Variants in CFTR observed in about 807,000 individuals in gnomAD.
CFTR encodes CF transmembrane conductance regulator.
Under a neutral mutation model 171.6 loss-of-function variants are expected in CFTR, and 181 were observed. The observed-to-expected ratio is 1.05, with a 90% CI of 0.93 to 1.19. CFTR has a LOEUF of 1.19. Among genes scored for constraint, CFTR ranks in the 50% most tolerant of loss-of-function variants. The pLI is 0.00. For synonymous variants in CFTR, 583 were observed against 608.0 expected, an observed-to-expected ratio of 0.96 and a Z score of 0.60; for missense variants, 1,968 against 1,734.7, an observed-to-expected ratio of 1.13 and a Z score of -2.39.
chr7:117,517,792 T>G (rs1481795838), intron 3 of CFTR, among the ~76,000 whole-genome samples: 1 of 151,970 alleles, frequency 6.6e-6, no homozygotes, highest in Non-Finnish European at 1.5e-5. Flanking sequence ...TTGATTTGCA[T>G]TTCTCTAATG....
chr7:117,535,405 A>G lies in CFTR; in HGVS notation c.737A>G (p.Lys246Arg). Residue 246 changes from lysine to arginine, a missense_variant, in exon 6 of 27, where the codon AAG (lysine) becomes AGG (arginine). Coordinates refer to ENST00000003084, the MANE Select transcript of CFTR (RefSeq NM_000492.4). ...GCTGGGCTAGGGAGAATGATGATGA[A>G]GTACAGGTAGCAACCTATTTTCATA... is the stretch of plus-strand genomic sequence containing the variant. ...FQAGLGRMMM[K>R]YRDQRAGKIS... 1 of 1,614,052 alleles carries G rather than the reference A, an allele frequency of 6.2e-7. No homozygotes were observed. Among genetic ancestry groups the G allele is most frequent in the Non-Finnish European group, 8.5e-7 (1 of 1,179,954 alleles).
intron 11 of CFTR, among the ~76,000 whole-genome samples, chr7:117,585,991 G>C (rs2116012391): frequency 6.6e-6 from 1 of 152,330 alleles, no homozygotes; most frequent in South Asian, 2.1e-4. Context: ...GGAAAAATGT[G>C]AGGCAGGAGA....
intron 13 of CFTR, among the ~76,000 whole-genome samples, chr7:117,591,574 C>T (rs1400715184): frequency 6.6e-6 from 1 of 151,980 alleles, no homozygotes; most frequent in Non-Finnish European, 1.5e-5. Context: ...AAATGAAGTA[C>T]AAATCTCTAG....
chr7:117,554,163 A>G (rs774838972), intron 10 of CFTR, among the ~76,000 whole-genome samples: 47 of 152,174 alleles, frequency 3.1e-4, no homozygotes, highest in Non-Finnish European at 8.8e-5. Flanking sequence ...GCTATTCTGT[A>G]GGGAGACAAG....
At chr7:117,524,905 G>A (rs1318109019) in intron 3 of CFTR, among the ~76,000 whole-genome samples, 2 of 152,124 alleles carry the variant, frequency 1.3e-5, no homozygotes, top group Non-Finnish European at 2.9e-5. Flanking sequence ...AGCACAGTAG[G>A]ATGTTATTTA....
rs1052872039 is a variant in CFTR, at chr7:117,512,945, G to A, written c.273+3803G>A. ...CCTCACAAAATTAAAGGACATACAG[G>A]AGAAGTCCTGGTACTCATGTTGCAG... On this transcript the variant is annotated intron_variant, in intron 3 of 26. Coordinates refer to ENST00000003084, the MANE Select transcript of CFTR (RefSeq NM_000492.4). Among the ~76,000 whole-genome samples, 6 of 152,088 alleles carry A rather than the reference G, an allele frequency of 3.9e-5. No individual in the cohort carries two copies. The South Asian group carries it at 1.2e-3, about 32-fold the overall frequency.
intron 4 of CFTR, among the ~76,000 whole-genome samples, chr7:117,533,196 T>C (rs1460315416): frequency 1.3e-5 from 2 of 152,200 alleles, no homozygotes; most frequent in Non-Finnish European, 2.9e-5. Flanking sequence ...TACTAAGTTA[T>C]GTGCAATTTA....
rs121909043 is a variant in CFTR at position 117,667,029 on chromosome 7, C to G, written c.4364C>G (p.Ser1455Ter). ...DRVKLFPHRN[S>*]SKCKSKPQIA... ...GTGAAGCTCTTTCCCCACCGGAACT[C>G]AAGCAAGTGCAAGTCTAAGCCCCAG... Residue 1455 changes from serine to a stop codon, truncating the protein, a stop_gained, in exon 27 of 27, where the codon TCA becomes TGA. Coordinates refer to ENST00000003084, the MANE Select transcript of CFTR (RefSeq NM_000492.4). LOFTEE classifies it high-confidence loss of function. The G allele has an allele frequency of 1.1e-5, 17 of 1,613,946 alleles. No individual in the cohort carries two copies. In the Middle Eastern group the frequency reaches 4.9e-4, roughly 47 times the overall value.
At chr7:117,657,300 G>T (rs1375907796) in intron 24 of CFTR, among the ~76,000 whole-genome samples, 3 of 152,018 alleles carry the variant, frequency 2.0e-5, no homozygotes, top group Admixed American at 6.6e-5. Context: ...TCATATTTAG[G>T]TATATACTTT....
rs10155917 is a variant in CFTR, at chr7:117,642,710, T to G, written c.3873+117T>G. Reference sequence around the variant, plus strand: ...GCAAAATATATTTGTTATGCATTGCTGTCTTTTTTCTCCAGTGCAGTTTTC... The same window carrying G: ...GCAAAATATATTTGTTATGCATTGCGGTCTTTTTTCTCCAGTGCAGTTTTC... On this transcript the variant is annotated intron_variant, in intron 23 of 26. Coordinates refer to ENST00000003084, the MANE Select transcript of CFTR (RefSeq NM_000492.4). 0.013 allele frequency: 15,186 copies of G among 1,141,438 alleles called. 419 individuals are homozygous for G. Among genetic ancestry groups the G allele is most frequent in the African/African-American group, 0.099 (6,310 of 64,058 alleles). The allele number at this position is 1,141,438 out of a possible 1,614,324, so 70.7% of individuals were successfully genotyped here.
At chr7:117,616,721 G>A (rs1401076112) in intron 21 of CFTR, among the ~76,000 whole-genome samples, 1 of 152,008 alleles carries the variant, frequency 6.6e-6, no homozygotes, top group African/African-American at 2.4e-5. Flanking sequence ...ATCTTTGCAA[G>A]GACCTATTGT....
chr7:117,536,397 T>C (rs1236160528), intron 6 of CFTR, 151 bp from the exon 7 acceptor site: 19 of 783,992 alleles, frequency 2.4e-5, no homozygotes, highest in Non-Finnish European at 3.4e-5. Context: ...AAACAGTAGT[T>C]ATTATTTTTG....
Position 117,665,508 on chromosome 7 carries a change from A to C in CFTR, c.4186A>C (p.Thr1396Pro), listed in dbSNP as rs375552160. Residue 1396 changes from threonine (T) to proline (P), a missense_variant, in exon 26 of 27, where the codon ACA (threonine) becomes CCA (proline). Transcript: ENST00000003084. ...TCTAAAACAAGCATTTGCTGATTGC[A>C]CAGTAATTCTCTGTGAACACAGGAT... ...RTLKQAFADCTVILCEHRIEA... is the reference protein window; with the variant it reads ...RTLKQAFADCPVILCEHRIEA... 8.1e-6 allele frequency: 13 copies of C among 1,613,488 alleles called. No individual in the cohort carries two copies. The highest frequency in any genetic ancestry group is 1.0e-5 in the Non-Finnish European group (12 of 1,179,560).
At chr7:117,569,087 A>G (rs551835340) in intron 11 of CFTR, among the ~76,000 whole-genome samples, 209 of 152,340 alleles carry the variant, frequency 1.4e-3, no homozygotes, top group African/African-American at 4.9e-3. Flanking sequence ...CTGGAAACAG[A>G]CATCAGGTAT....
At chr7:117,617,065 G>A (rs1370253111) in intron 21 of CFTR, among the ~76,000 whole-genome samples, 2 of 152,138 alleles carry the variant, frequency 1.3e-5, no homozygotes, top group Non-Finnish European at 2.9e-5. Context: ...TAAAAACTCA[G>A]TGTTGTCATT....
At chr7:117,581,094 A>C (rs1334503934) in intron 11 of CFTR, among the ~76,000 whole-genome samples, 2 of 152,196 alleles carry the variant, frequency 1.3e-5, no homozygotes, top group Admixed American at 1.3e-4. Context: ...TTGTAAAATA[A>C]AATTAATTGG....
At chr7:117,562,731 C>A (rs1430799217) in intron 11 of CFTR, among the ~76,000 whole-genome samples, 1 of 152,134 alleles carries the variant, frequency 6.6e-6, no homozygotes, top group Non-Finnish European at 1.5e-5. Context: ...AAGTGCTGAG[C>A]TAGAGGTACC....
chr7:117,630,075 T>C (rs1412136044), intron 22 of CFTR, among the ~76,000 whole-genome samples: 1 of 152,238 alleles, frequency 6.6e-6, no homozygotes, highest in Non-Finnish European at 1.5e-5. Flanking sequence ...TAAGATCCAC[T>C]GAAACCTGAG....
At chr7:117,617,503 C>A (rs927570004) in intron 21 of CFTR, among the ~76,000 whole-genome samples, 3 of 151,994 alleles carry the variant, frequency 2.0e-5, no homozygotes, top group East Asian at 1.9e-4. Context: ...CTTTTTCCCA[C>A]CTTCTTCTTC....
Sources: allele counts gnomAD v4.1 joint callset (sites outside exome capture counted in the v4.1 genomes callset), GRCh38; gene constraint gnomAD v4.1.1; transcripts MANE v1.5; gene names NCBI Gene and HGNC (gene_info 2026-07-23, HGNC 2026-07-21).